TMEM135: variants seen among roughly 807,000 people sequenced by gnomAD.
TMEM135 encodes peroxisomal membrane protein 52.
Under a neutral mutation model 60.3 loss-of-function variants are expected in TMEM135, and 30 were observed. That is an observed-to-expected ratio of 0.50 (90% CI 0.37 to 0.68). The LOEUF (loss-of-function observed/expected upper bound fraction) is 0.68. Ranked by LOEUF, TMEM135 falls within the 30% of genes least tolerant of loss-of-function variation. The pLI, the probability that TMEM135 is intolerant of heterozygous loss-of-function variation, is 0.00. For synonymous variants in TMEM135, 190 were observed against 186.7 expected (o/e 1.02, Z -0.14); for missense variants, 468 against 548.8 (o/e 0.85, Z 1.47).
intron 1 of TMEM135, among the ~76,000 whole-genome samples, chr11:87,042,260 T>C (rs1949756415): frequency 1.3e-5 from 2 of 152,258 alleles, no homozygotes; most frequent in East Asian, 3.8e-4. Flanking sequence ...CTTCTTGGCC[T>C]CTCTGTCTAA....
intron 5 of TMEM135, among the ~76,000 whole-genome samples, chr11:87,181,018 A>G (rs755850469): frequency 1.6e-4 from 25 of 152,224 alleles, no homozygotes; most frequent in Non-Finnish European, 2.4e-4. Context: ...AATTATGACA[A>G]AGTTCTTAGA....
At chr11:87,293,874 C>A (rs1942307724) in intron 6 of TMEM135, among the ~76,000 whole-genome samples, 1 of 152,138 alleles carries the variant, frequency 6.6e-6, no homozygotes, top group African/African-American at 2.4e-5. Flanking sequence ...TGGGTATATA[C>A]CCAGTAATGG....
intron 4 of TMEM135, among the ~76,000 whole-genome samples, chr11:87,145,065 C>G (rs1018943788): frequency 5.9e-5 from 9 of 152,056 alleles, no homozygotes; most frequent in African/African-American, 2.2e-4. Flanking sequence ...AAAATAAAAG[C>G]CATATTTCTC....
chr11:87,206,806 A>G (rs1940245474), intron 5 of TMEM135, among the ~76,000 whole-genome samples: 1 of 152,188 alleles, frequency 6.6e-6, no homozygotes, highest in Non-Finnish European at 1.5e-5. Context: ...TCTTGTGCAT[A>G]CATTTGATAA....
intron 5 of TMEM135, among the ~76,000 whole-genome samples, chr11:87,199,576 A>G (rs1161671089): frequency 6.6e-6 from 1 of 152,222 alleles, no homozygotes; most frequent in Non-Finnish European, 1.5e-5. Flanking sequence ...ATAGATTTCT[A>G]GTTGAGGCAT....
intron 6 of TMEM135, among the ~76,000 whole-genome samples, chr11:87,275,785 C>T (rs959526134): frequency 6.6e-6 from 1 of 152,030 alleles, no homozygotes; most frequent in Non-Finnish European, 1.5e-5. Context: ...CTCAGCTCCT[C>T]AGTAGCTGGG....
chr11:87,221,378 G>A (rs1940613799), intron 5 of TMEM135, among the ~76,000 whole-genome samples: 1 of 152,132 alleles, frequency 6.6e-6, no homozygotes, highest in East Asian at 1.9e-4. Context: ...ATTCCAAAGG[G>A]GAATTGTGCA....
intron 5 of TMEM135, among the ~76,000 whole-genome samples, chr11:87,162,457 T>A (rs1938906716): frequency 6.6e-6 from 1 of 152,096 alleles, no homozygotes; most frequent in Non-Finnish European, 1.5e-5. Context: ...CATTTATGAG[T>A]GAGAACATTT....
At chr11:87,318,422 C>G (rs866761248) in intron 13 of TMEM135, among the ~76,000 whole-genome samples, 187 bp downstream of exon 13, 3 of 150,680 alleles carry the variant, frequency 2.0e-5, no homozygotes, top group African/African-American at 7.3e-5. Context: ...TAATGTTAAC[C>G]TAATGCGCTA....
chr11:87,184,464 G>A (rs1591085360), intron 5 of TMEM135, among the ~76,000 whole-genome samples: 2 of 152,036 alleles, frequency 1.3e-5, no homozygotes, highest in Non-Finnish European at 2.9e-5. Flanking sequence ...AGGGTCTGAC[G>A]ATTACTTTAG....
At chr11:87,197,968 A>C (rs1464736054) in intron 5 of TMEM135, among the ~76,000 whole-genome samples, 1 of 151,956 alleles carries the variant, frequency 6.6e-6, no homozygotes, top group Non-Finnish European at 1.5e-5. Context: ...TAGGTACATA[A>C]TAGTTGTAAA....
At position 87,120,112 on chromosome 11, in the gene TMEM135, TCTTC is replaced by T. The variant is rs1591034026; in HGVS notation, c.396+28718_396+28721del. Among the ~76,000 whole-genome samples the T allele has an allele frequency of 3.5e-5, 5 of 142,438 alleles. No individual in the cohort carries two copies. In the East Asian group the frequency reaches 8.4e-4, roughly 24 times the overall value. 93.4% of individuals were successfully genotyped at this position (142,438 alleles called of 152,430 possible). On this transcript the variant is annotated intron_variant, in intron 4 of 14. Coordinates refer to ENST00000305494, the MANE Select transcript of TMEM135 (RefSeq NM_022918.4). ...ACTTATTAGTCTGTTTTTTTCTTCT[TCTTC>T]TTTTTTTTTTTTTTTTGAGACAGTC... is the stretch of plus-strand genomic sequence containing the variant.
intron 1 of TMEM135, among the ~76,000 whole-genome samples, chr11:87,058,434 A>G (rs963094416): frequency 6.6e-6 from 1 of 151,542 alleles, no homozygotes; most frequent in Non-Finnish European, 1.5e-5. Context: ...GGTTCAAGTG[A>G]TTCTGCTGCC....
At chr11:87,292,523 T>C (rs967890398) in intron 6 of TMEM135, among the ~76,000 whole-genome samples, 2 of 152,156 alleles carry the variant, frequency 1.3e-5, no homozygotes, top group African/African-American at 2.4e-5. Flanking sequence ...TCAAATGGAG[T>C]CTGCTTTGTT....
chr11:87,120,399 T>C (rs1858020115), intron 4 of TMEM135, among the ~76,000 whole-genome samples: 1 of 151,790 alleles, frequency 6.6e-6, no homozygotes, highest in Non-Finnish European at 1.5e-5. Flanking sequence ...TGAACCACTG[T>C]TCTGGACTAC....
At chr11:87,047,484 C>A (rs916404446) in intron 1 of TMEM135, among the ~76,000 whole-genome samples, 2 of 151,144 alleles carry the variant, frequency 1.3e-5, no homozygotes, top group African/African-American at 4.9e-5. Flanking sequence ...CGAAGCAGGG[C>A]GAGGCACTGC....
chr11:87,180,437 T>C (rs758038058), intron 5 of TMEM135, among the ~76,000 whole-genome samples: 1 of 152,074 alleles, frequency 6.6e-6, no homozygotes, highest in Non-Finnish European at 1.5e-5. Flanking sequence ...AACACCAGTT[T>C]TGTAGCCAGA....
chr11:87,196,173 A>G (rs1438704301), intron 5 of TMEM135, among the ~76,000 whole-genome samples: 1 of 152,194 alleles, frequency 6.6e-6, no homozygotes, highest in African/African-American at 2.4e-5. Context: ...TTGGAACAAT[A>G]TTTGTGACAG....
chr11:87,277,098 A>G (rs1266234204), intron 6 of TMEM135: 1 of 154,330 alleles, frequency 6.5e-6, no homozygotes, highest in Non-Finnish European at 1.4e-5. Flanking sequence ...TTTTTACCCA[A>G]CATTTCTTAC....
Sources: allele counts gnomAD v4.1 joint callset (sites outside exome capture counted in the v4.1 genomes callset), GRCh38; gene constraint gnomAD v4.1.1; transcripts MANE v1.5; gene names NCBI Gene and HGNC (gene_info 2026-07-23, HGNC 2026-07-21).